DLGAP1: variants seen among roughly 807,000 people sequenced by gnomAD.
The protein encoded by DLGAP1 is DLG associated protein 1, also known as disks large-associated protein 1.
Under a neutral mutation model 90.8 loss-of-function variants are expected in DLGAP1, and 11 were observed. The ratio of observed to expected loss-of-function variants is 0.12; its 90% CI spans 0.08 to 0.20. The LOEUF (loss-of-function observed/expected upper bound fraction) is 0.20, where lower values mean the gene tolerates loss of function less well. Among genes scored for constraint, DLGAP1 ranks in the 10% least tolerant of loss-of-function variants. DLGAP1 has a pLI of 1.00. For missense variants in DLGAP1, 1,050 were observed against 1,333.8 expected (o/e 0.79, Z 3.31); for synonymous variants, 558 against 540.7 (o/e 1.03, Z -0.44).
At chr18:3,920,318 A>ACTT (rs1229055247) in intron 3 of DLGAP1, among the ~76,000 whole-genome samples, 5 of 135,272 alleles carry the variant, frequency 3.7e-5, no homozygotes, top group African/African-American at 1.4e-4. Context: ...GCGGCACTAT[A>ACTT]CTTCTGCCTT....
intron 4 of DLGAP1, among the ~76,000 whole-genome samples, chr18:3,826,247 C>G (rs562083080): frequency 1.3e-5 from 2 of 152,264 alleles, no homozygotes; most frequent in Non-Finnish European, 2.9e-5. Flanking sequence ...ACGTAACAAG[C>G]CTGCACATGT....
intron 1 of DLGAP1, among the ~76,000 whole-genome samples, chr18:4,174,389 C>T (rs1205416120): frequency 6.6e-6 from 1 of 152,080 alleles, no homozygotes; most frequent in African/African-American, 2.4e-5. Context: ...GGCTGGAATG[C>T]AGTGGCACGA....
intron 2 of DLGAP1, among the ~76,000 whole-genome samples, chr18:4,078,376 A>G (rs2075555119): frequency 6.6e-6 from 1 of 152,180 alleles, no homozygotes; most frequent in African/African-American, 2.4e-5. Flanking sequence ...AATAGAAATC[A>G]CCGAATAGAT....
rs556525597 is a variant in DLGAP1 at position 3,531,232 on chromosome 18, T to A, written c.2479+2962A>T. Among the ~76,000 whole-genome samples, 19 of 150,940 alleles carry A rather than the reference T, an allele frequency of 1.3e-4. No homozygotes were observed. In the South Asian group the frequency reaches 3.8e-3, roughly 30 times the overall value. On this transcript the variant is annotated intron_variant, in intron 10 of 12. Transcript: ENST00000315677. Reference sequence around the variant, plus strand: ...CGGGTGGATCACCTGAGGTCAGGAGTTCAAGACCAGACTGGCCAACATGGT... The same window carrying A: ...CGGGTGGATCACCTGAGGTCAGGAGATCAAGACCAGACTGGCCAACATGGT...
intron 5 of DLGAP1, among the ~76,000 whole-genome samples, chr18:3,789,484 G>A (rs891233489): frequency 2.0e-5 from 3 of 152,184 alleles, no homozygotes; most frequent in Admixed American, 6.5e-5. Flanking sequence ...ATCTGCAAGG[G>A]TGGATGAGAT....
intron 5 of DLGAP1, among the ~76,000 whole-genome samples, chr18:3,747,518 C>A (rs921970897): frequency 6.6e-6 from 1 of 152,186 alleles, no homozygotes; most frequent in African/African-American, 2.4e-5. Context: ...TGCAACCTGA[C>A]CCAGAGCAAT....
chr18:3,854,889 AAAT>A (rs1162045034), intron 4 of DLGAP1, among the ~76,000 whole-genome samples: 1 of 152,180 alleles, frequency 6.6e-6, no homozygotes, highest in Non-Finnish European at 1.5e-5. Context: ...GACCCAAATG[AAAT>A]AATAATATTC....
At chr18:4,094,607 CTTTT>C (rs35060422) in intron 2 of DLGAP1, among the ~76,000 whole-genome samples, 1 of 124,826 alleles carries the variant, frequency 8.0e-6, no homozygotes, top group Non-Finnish European at 1.7e-5. Flanking sequence ...CTTTCTCTTT[CTTTT>C]TTTTTTTTTT....
chr18:3,968,946 G>A (rs945216942), intron 3 of DLGAP1, among the ~76,000 whole-genome samples: 2 of 151,824 alleles, frequency 1.3e-5, no homozygotes, highest in Non-Finnish European at 2.9e-5. Flanking sequence ...AAAATGACAC[G>A]GCATTCTTTC....
At chr18:4,191,875 G>C (rs1386761692) in intron 1 of DLGAP1, among the ~76,000 whole-genome samples, 1 of 152,184 alleles carries the variant, frequency 6.6e-6, no homozygotes, top group African/African-American at 2.4e-5. Context: ...CTAATGGAAT[G>C]AGAGTTCCAT....
At chr18:4,348,075 A>T (rs545397687) in intron 1 of DLGAP1, among the ~76,000 whole-genome samples, 1 of 152,182 alleles carries the variant, frequency 6.6e-6, no homozygotes, top group Non-Finnish European at 1.5e-5. Flanking sequence ...TAAGCTAAAT[A>T]ACTTTTAGAA....
intron 1 of DLGAP1, among the ~76,000 whole-genome samples, chr18:4,173,531 T>A (rs532640669): frequency 2.3e-4 from 35 of 152,280 alleles, no homozygotes; most frequent in African/African-American, 8.2e-4. Flanking sequence ...TTGGTTATTT[T>A]AATCAACTCA....
intron 7 of DLGAP1, among the ~76,000 whole-genome samples, chr18:3,712,883 G>C: frequency 6.6e-6 from 1 of 152,216 alleles, no homozygotes; most frequent in East Asian, 1.9e-4. Flanking sequence ...GACTTACCCA[G>C]TTGGAAAGGC....
intron 10 of DLGAP1, among the ~76,000 whole-genome samples, chr18:3,522,652 C>T (rs2051288606): frequency 6.7e-6 from 1 of 148,178 alleles, no homozygotes; most frequent in African/African-American, 2.5e-5. Context: ...AGGCAATTCT[C>T]CCACCTCAGC....
At chr18:3,904,981 CATTATT>C (rs72077069) in intron 3 of DLGAP1, among the ~76,000 whole-genome samples, 2 of 150,990 alleles carry the variant, frequency 1.3e-5, no homozygotes, top group East Asian at 1.9e-4. Flanking sequence ...CCCTATTATT[CATTATT>C]ATTATTATTA....
chr18:4,035,440 A>C (rs1446581585), intron 2 of DLGAP1, among the ~76,000 whole-genome samples: 1 of 152,234 alleles, frequency 6.6e-6, no homozygotes, highest in African/African-American at 2.4e-5. Flanking sequence ...ATCATTAAAT[A>C]AAATAAGTCA....
At chr18:3,743,959 TA>T (rs1292190527) in intron 5 of DLGAP1, among the ~76,000 whole-genome samples, 1 of 152,222 alleles carries the variant, frequency 6.6e-6, no homozygotes, top group African/African-American at 2.4e-5. Flanking sequence ...CAATGTTAGT[TA>T]TTTTTAAAGT....
intron 7 of DLGAP1, among the ~76,000 whole-genome samples, chr18:3,688,031 C>T (rs342505): frequency 0.013 from 2,047 of 151,810 alleles, 50 homozygotes; most frequent in African/African-American, 0.047. Context: ...CTCAGCCTCC[C>T]GAGTAGCTGG....
At chr18:3,673,313 T>C (rs2060166008) in intron 7 of DLGAP1, among the ~76,000 whole-genome samples, 1 of 152,216 alleles carries the variant, frequency 6.6e-6, no homozygotes, top group South Asian at 2.1e-4. Flanking sequence ...CATATCTCTA[T>C]TATGGCCCTT....
Sources: allele counts gnomAD v4.1 joint callset (sites outside exome capture counted in the v4.1 genomes callset), GRCh38; gene constraint gnomAD v4.1.1; transcripts MANE v1.5; gene names NCBI Gene and HGNC (gene_info 2026-07-23, HGNC 2026-07-21).